ERAP2: variants seen among roughly 807,000 people sequenced by gnomAD.
ERAP2 encodes leukocyte-derived arginine aminopeptidase.
ERAP2 carries 118 observed loss-of-function variants against 111.1 expected under a neutral mutation model. The observed-to-expected ratio is 1.06, with a 90% CI of 0.92 to 1.24. The LOEUF (loss-of-function observed/expected upper bound fraction) is 1.24, where lower values mean the gene tolerates loss of function less well. Among genes scored for constraint, ERAP2 ranks in the 50% most tolerant of loss-of-function variants. The probability of loss-of-function intolerance (pLI) is 0.00; values close to 1 mark genes in which losing one functional copy is unlikely to be tolerated. For missense variants in ERAP2, 1,131 were observed against 1,125.8 expected, an observed-to-expected ratio of 1.00 and a Z score of -0.07; for synonymous variants, 410 against 401.2, an observed-to-expected ratio of 1.02 and a Z score of -0.26.
chr5:96,896,504 G>T lies in ERAP2; in HGVS notation c.1371G>T (p.Lys457Asn). The T allele has an allele frequency of 1.2e-6, 2 of 1,612,334 alleles. No individual in the cohort carries two copies. The highest frequency in any genetic ancestry group is 2.2e-5 in the South Asian group (2 of 90,878). The change falls in exon 8 of 19, where the codon AAG becomes AAT. Residue 457 changes from lysine (K) to asparagine (N), a missense_variant and splice_region_variant. Lys to Asn is a moderately conservative substitution (Grantham distance 94). This residue lies in a region of ERAP2 where 847 missense variants were observed against 856.5 expected (regional missense o/e 0.99). Coordinates refer to ENST00000437043, the MANE Select transcript of ERAP2 (RefSeq NM_022350.5). ...TGTTTGATGAAGTTTCCTATAACAA[G>T]GTAGTAAATATCAGGTGCAGGTGGA... ...QEMFDEVSYNKGACILNMLKD... is the reference protein window; with the variant it reads ...QEMFDEVSYNNGACILNMLKD...
At chr5:96,897,759 C>A (rs4869316) in intron 9 of ERAP2, among the ~76,000 whole-genome samples, 1 of 151,856 alleles carries the variant, frequency 6.6e-6, no homozygotes, top group Non-Finnish European at 1.5e-5. Flanking sequence ...TTTATAGAAC[C>A]ATTAGACCCA....
intron 2 of ERAP2, chr5:96,881,520 A>C (rs1427801921): frequency 2.2e-6 from 1 of 453,918 alleles, no homozygotes. Context: ...ACGTTATGTG[A>C]ATTGTGTTCA....
chr5:96,891,300 T>C (rs1366922096), intron 5 of ERAP2, among the ~76,000 whole-genome samples: 3 of 151,642 alleles, frequency 2.0e-5, no homozygotes, highest in Non-Finnish European at 4.4e-5. Flanking sequence ...GTGAAATCAT[T>C]AGCAAAGGAT....
Position 96,909,029 on chromosome 5 carries a change from C to T in ERAP2, c.2081C>T (p.Pro694Leu), listed in dbSNP as rs367662467. 1.1e-5 allele frequency: 18 copies of T among 1,614,042 alleles called. No individual in the cohort carries two copies. Among genetic ancestry groups the T allele is most frequent in the Non-Finnish European group, 3.4e-6 (4 of 1,180,024 alleles). Residue 694 changes from proline (P) to leucine (L), a missense_variant, in exon 14 of 19, where the codon CCC becomes CTC. Around this residue, in one of 3 missense-constraint regions of ERAP2, gnomAD observed 847 missense variants for 856.5 expected, o/e 0.99. Transcript: ENST00000437043. The stretch of plus-strand genomic sequence containing the variant: ...TACCTCCAACATGAAACAAGCAGCC[C>T]CGCACTTCTCGAAGGTCTGAGTTAC... ...TYYLQHETSS[P>L]ALLEGLSYLE...
chr5:96,912,899 G>A (rs1313472517), intron 16 of ERAP2, 101 bp downstream of exon 16: 30 of 900,410 alleles, frequency 3.3e-5, no homozygotes, highest in Non-Finnish European at 4.7e-5. Flanking sequence ...TAAGATAATT[G>A]AATCAGAATG....
At chr5:96,887,942 A>G (rs1364843993) in intron 4 of ERAP2, among the ~76,000 whole-genome samples, 1 of 152,090 alleles carries the variant, frequency 6.6e-6, no homozygotes, top group Non-Finnish European at 1.5e-5. Flanking sequence ...CCTGGCCAAC[A>G]TGGTGAAACC....
intron 14 of ERAP2, 121 bp downstream of exon 14, chr5:96,909,238 T>C: frequency 1.1e-6 from 1 of 877,062 alleles, no homozygotes; most frequent in Non-Finnish European, 1.8e-6. Context: ...GGGGACTGAC[T>C]GATAGCATGT....
chr5:96,901,039 G>A (rs1252497299), intron 10 of ERAP2, among the ~76,000 whole-genome samples: 2 of 152,210 alleles, frequency 1.3e-5, no homozygotes, highest in African/African-American at 4.8e-5. Context: ...GCAGCAGCCA[G>A]AGGTTTTGTT....
intron 2 of ERAP2, chr5:96,881,506 T>G (rs1279921855): frequency 2.2e-6 from 1 of 455,876 alleles, no homozygotes; most frequent in Admixed American, 2.4e-5. Flanking sequence ...CTCAGTGCAC[T>G]CTCACGTTAT....
chr5:96,899,194 C>T (rs1297534799), intron 9 of ERAP2, among the ~76,000 whole-genome samples: 1 of 151,550 alleles, frequency 6.6e-6, no homozygotes, highest in Admixed American at 6.6e-5. Context: ...TGCCCAAAGT[C>T]ACCAAGTCAG....
chr5:96,916,897 G>A (rs1787478138), intron 18 of ERAP2, among the ~76,000 whole-genome samples: 1 of 151,830 alleles, frequency 6.6e-6, no homozygotes, highest in Admixed American at 6.6e-5. Flanking sequence ...TATGACTTGG[G>A]TAAATCATTT....
rs765124531 is a variant in ERAP2 at position 96,901,562 on chromosome 5, C to A, written c.1629C>A (p.Leu543=). 6.2e-7 allele frequency: 1 copy of A among 1,614,086 alleles called. No homozygotes were observed. The highest frequency in any genetic ancestry group is 8.5e-7 in the Non-Finnish European group (1 of 1,179,960). Residue 543 remains leucine, a synonymous_variant, in exon 11 of 19, where the codon CTC becomes CTA. Coordinates refer to ENST00000437043, the MANE Select transcript of ERAP2 (RefSeq NM_022350.5). ...AAGAGATGATGACTACATGGACTCT[C>A]CAGAAAGGAATCCCCCTGCTGGTGG... ...EVKEMMTTWT[L]QKGIPLLVVK...
chr5:96,913,559 C>G, intron 17 of ERAP2, 102 bp downstream of exon 17: 1 of 1,318,116 alleles, frequency 7.6e-7, no homozygotes, highest in Non-Finnish European at 1.1e-6. Flanking sequence ...TAAATAATAC[C>G]ATTTGTATCC....
chr5:96,878,228 T>A (rs1561353135), intron 1 of ERAP2, among the ~76,000 whole-genome samples: 1 of 151,840 alleles, frequency 6.6e-6, no homozygotes, highest in African/African-American at 2.4e-5. Flanking sequence ...AACCGAACCT[T>A]AAAAAAATTC....
In ERAP2 at chr5:96,880,014, T is replaced by C. The variant is rs571158626; in HGVS notation, c.329T>C (p.Leu110Ser). ...LVSNATQFII[L>S]HSKDLEITNA... ...AGCAATGCTACCCAGTTTATCATCT[T>C]GCACAGCAAAGATCTTGAAATCACG... Residue 110 changes from leucine to serine, a missense_variant, in exon 2 of 19, where the codon TTG (leucine) becomes TCG (serine). Transcript: ENST00000437043. 18 of 1,614,174 alleles carry C rather than the reference T, an allele frequency of 1.1e-5. No homozygotes were observed. In the East Asian group the frequency reaches 4.0e-4, roughly 36 times the overall value.
intron 5 of ERAP2, among the ~76,000 whole-genome samples, chr5:96,890,721 A>G (rs1335293501): frequency 6.6e-6 from 1 of 152,214 alleles, no homozygotes; most frequent in Non-Finnish European, 1.5e-5. Context: ...GCTTAAAAAA[A>G]TTAAAAGCTA....
rs759567900 is a variant in ERAP2 at position 96,880,029 on chromosome 5, T to C, written c.344T>C (p.Leu115Pro). 16 of 1,614,040 alleles carry C rather than the reference T, an allele frequency of 9.9e-6. No homozygotes were observed. The highest frequency in any genetic ancestry group is 3.3e-5 in the Admixed American group (2 of 59,994). ...TTTATCATCTTGCACAGCAAAGATC[T>C]TGAAATCACGAATGCCACCCTTCAG... is the stretch of plus-strand genomic sequence containing the variant. Reference protein sequence around the residue: ...TQFIILHSKDLEITNATLQSE... With the variant: ...TQFIILHSKDPEITNATLQSE... Residue 115 changes from leucine to proline, a missense_variant, in exon 2 of 19, where the codon CTT becomes CCT. Physicochemically the swap from Leu to Pro is moderately conservative, Grantham distance 98 (BLOSUM62 -3). Coordinates refer to ENST00000437043, the MANE Select transcript of ERAP2 (RefSeq NM_022350.5).
chr5:96,883,307 C>G lies in ERAP2; in HGVS notation c.576-485C>G, dbSNP rs372264939. Reference sequence around the variant, plus strand: ...TCACTCCCTTACCTGTTTCTCCTGGCAGGATGTTCTCAATAAGTCAGGATC... The same window carrying G: ...TCACTCCCTTACCTGTTTCTCCTGGGAGGATGTTCTCAATAAGTCAGGATC... On this transcript the variant is annotated intron_variant, in intron 2 of 18. Transcript: ENST00000437043. Among the ~76,000 whole-genome samples the G allele has an allele frequency of 3.9e-4, 60 of 152,260 alleles. 1 individual carries two copies. The South Asian group carries it at 8.5e-3, about 22-fold the overall frequency.
intron 9 of ERAP2, among the ~76,000 whole-genome samples, chr5:96,897,925 A>C (rs889225733): frequency 6.6e-6 from 1 of 152,196 alleles, no homozygotes; most frequent in African/African-American, 2.4e-5. Context: ...GGCCGGGTAC[A>C]ATGGCTCACG....
Sources: allele counts gnomAD v4.1 joint callset (sites outside exome capture counted in the v4.1 genomes callset), GRCh38; gene constraint gnomAD v4.1.1; regional missense constraint gnomAD v4.1.1; transcripts MANE v1.5; gene names NCBI Gene and HGNC (gene_info 2026-07-23, HGNC 2026-07-21).